PDPR: variants seen among roughly 807,000 people sequenced by gnomAD.
PDPR encodes the protein pyruvate dehydrogenase phosphatase regulatory subunit, mitochondrial.
PDPR carries 50 observed loss-of-function variants against 102.2 expected under a neutral mutation model. That is an observed-to-expected ratio of 0.49 (90% confidence interval 0.39 to 0.62). PDPR has a LOEUF of 0.62. PDPR is among the 20% of genes least tolerant of loss of function. PDPR has a pLI of 0.00. For synonymous variants in PDPR, 259 were observed against 406.0 expected (o/e 0.64, Z 4.35); for missense variants, 625 against 1,098.2 (o/e 0.57, Z 6.09).
At chr16:70,120,200 C>T in intron 2 of PDPR, 1 of 348,676 alleles carries the variant, frequency 2.9e-6, no homozygotes, top group Non-Finnish European at 5.5e-6. Flanking sequence ...CAGGTGTGAG[C>T]CACTGCGCCC....
In PDPR at chr16:70,156,994, C is replaced by G. The variant is rs1184970524; in HGVS notation, c.*115C>G. The G allele has an allele frequency of 1.4e-6, 2 of 1,406,730 alleles. No individual in the cohort carries two copies. The highest frequency in any genetic ancestry group is 2.0e-6 in the Non-Finnish European group (2 of 1,019,338). The allele number at this position is 1,406,730 out of a possible 1,614,324, so 87.1% of individuals were successfully genotyped here. The stretch of plus-strand genomic sequence containing the variant: ...CTTCTGGAGCCTTTGCCTCCCATCT[C>G]TTATCTCCTTGATATAATTTTGAAC... On this transcript the variant is annotated 3_prime_UTR_variant, in exon 19 of 19. Coordinates refer to ENST00000288050, the MANE Select transcript of PDPR (RefSeq NM_017990.5).
At chr16:70,131,762 C>A in intron 8 of PDPR, 2 of 985,392 alleles carry the variant, frequency 2.0e-6, no homozygotes, top group Non-Finnish European at 2.4e-6. Flanking sequence ...TAGGTGGGTT[C>A]GTGGTTCCAA....
chr16:70,146,863 T>C (rs1057455653), intron 16 of PDPR, among the ~76,000 whole-genome samples: 2,105 of 70,478 alleles, frequency 0.03, 236 homozygotes, highest in African/African-American at 0.097. Flanking sequence ...CAAGACTGTC[T>C]CAAAAAAAAA....
intron 6 of PDPR, among the ~76,000 whole-genome samples, chr16:70,129,433 C>G (rs1198358279): frequency 2.0e-5 from 3 of 152,282 alleles, no homozygotes; most frequent in African/African-American, 7.2e-5. Flanking sequence ...CAACCTTCGC[C>G]TCCTGGGTTC....
chr16:70,153,252 C>A, intron 17 of PDPR, 139 bp from the exon 18 acceptor site: 2 of 997,426 alleles, frequency 2.0e-6, no homozygotes, highest in Non-Finnish European at 2.9e-6. Context: ...CTGAGCGTGT[C>A]AAGGATGAGA....
At chr16:70,124,537 A>G (rs1433919516) in intron 3 of PDPR, among the ~76,000 whole-genome samples, 4 of 152,280 alleles carry the variant, frequency 2.6e-5, no homozygotes, top group Non-Finnish European at 2.9e-5. Context: ...ACCAGTGCCC[A>G]GACCTCTCCC....
In PDPR at chr16:70,161,821, G is replaced by A. The variant is rs1367255224; in HGVS notation, c.*4942G>A. ...TGGAGAGTTACACATTTCTTCATGA[G>A]CCATTTTTCTCATTCTTAGATGCAC... On this transcript the variant is annotated 3_prime_UTR_variant, in exon 19 of 19. Coordinates refer to ENST00000288050, the MANE Select transcript of PDPR (RefSeq NM_017990.5). 6.6e-6 allele frequency: 1 copy of A among 152,406 alleles called. No individual in the cohort carries two copies. The highest frequency in any genetic ancestry group is 1.5e-5 in the Non-Finnish European group (1 of 68,102). 9.4% of individuals were successfully genotyped at this position (152,406 alleles called of 1,614,324 possible).
chr16:70,132,180 A>T lies in PDPR; in HGVS notation c.877A>T (p.Ile293Phe), dbSNP rs773817220. The T allele has an allele frequency of 6.2e-7, 1 of 1,613,238 alleles. No homozygotes were observed. The highest frequency in any genetic ancestry group is 8.5e-7 in the Non-Finnish European group (1 of 1,179,320). The change falls in exon 9 of 19, where the codon ATT becomes TTT. Residue 293 changes from isoleucine to phenylalanine, a missense_variant. Ile to Phe is a conservative substitution (Grantham distance 21). Coordinates refer to ENST00000288050, the MANE Select transcript of PDPR (RefSeq NM_017990.5). Reference sequence around the variant, plus strand: ...TGTGGATGCTGATGGAAGAATTTATATTCGGAACTGGCAGGGTGGCATCCT... The same window carrying T: ...TGTGGATGCTGATGGAAGAATTTATTTTCGGAACTGGCAGGGTGGCATCCT... The part of the protein sequence containing the change: ...TIVDADGRIY[I>F]RNWQGGILSG...
chr16:70,156,872 G>T lies in PDPR; in HGVS notation c.2633G>T (p.Gly878Val). 6.2e-7 allele frequency: 1 copy of T among 1,613,426 alleles called. No individual in the cohort carries two copies. The highest frequency in any genetic ancestry group is 1.1e-5 in the South Asian group (1 of 90,970). ...KDDMELSDLH[G>V]K ...GACATGGAGCTGAGTGACTTACATG[G>T]GAAGTGATGCCACCAGGGCAGCCTC... The change falls in exon 19 of 19, where the codon GGG becomes GTG. Residue 878 changes from glycine (G) to valine (V), a missense_variant. Transcript: ENST00000288050.
intron 9 of PDPR, among the ~76,000 whole-genome samples, 163 bp downstream of exon 9, chr16:70,132,463 C>G (rs1964634948): frequency 6.6e-6 from 1 of 152,258 alleles, no homozygotes. Context: ...GATGGAGTTA[C>G]TAGGTAGCAG....
In PDPR at chr16:70,153,530, C is replaced by T. The variant is rs199536214; in HGVS notation, c.2192C>T (p.Thr731Met). 8.3e-5 allele frequency: 133 copies of T among 1,611,308 alleles called. No individual in the cohort carries two copies. The highest frequency in any genetic ancestry group is 1.0e-4 in the Non-Finnish European group (119 of 1,178,936). The change falls in exon 18 of 19, where the codon ACG becomes ATG. Residue 731 changes from threonine (T) to methionine (M), a missense_variant. Coordinates refer to ENST00000288050, the MANE Select transcript of PDPR (RefSeq NM_017990.5). ...FWGQDINNLT[T>M]PLECGRESRV... ...GGTCAGGATATAAATAACCTCACCA[C>T]GCCCCTGGAATGTGGACGAGAGTCT...
Position 70,119,903 on chromosome 16 carries a change from T to G in PDPR, c.-32-558T>G, listed in dbSNP as rs867198162. On this transcript the variant is annotated intron_variant, in intron 2 of 18. Coordinates refer to ENST00000288050, the MANE Select transcript of PDPR (RefSeq NM_017990.5). ...TGCCCTCAAATATTTCTTTTTTTGTTTTTTTTTTGTTTGTTTGTTTGTTTT... is the reference window on the plus strand; with the variant it reads ...TGCCCTCAAATATTTCTTTTTTTGTGTTTTTTTTGTTTGTTTGTTTGTTTT... Among the ~76,000 whole-genome samples, 11 of 6,718 alleles carry G rather than the reference T, an allele frequency of 1.6e-3. 1 individual carries two copies. Among genetic ancestry groups the G allele is most frequent in the Middle Eastern group, 0.5 (1 of 2 alleles). 4.4% of individuals were successfully genotyped at this position (6,718 alleles called of 152,430 possible).
At chr16:70,141,850 A>G (rs1286801414) in intron 11 of PDPR, among the ~76,000 whole-genome samples, 1 of 152,280 alleles carries the variant, frequency 6.6e-6, no homozygotes, top group Non-Finnish European at 1.5e-5. Context: ...CTGTAATCCC[A>G]GCACTTCGGG....
chr16:70,135,436 C>T (rs944726599), intron 9 of PDPR, among the ~76,000 whole-genome samples: 1 of 152,248 alleles, frequency 6.6e-6, no homozygotes, highest in Non-Finnish European at 1.5e-5. Context: ...GAGGCTTCGC[C>T]ATTTTGGCCA....
rs1273342705 is a variant in PDPR, at chr16:70,125,067, T to G, written c.228-2193T>G. Among the ~76,000 whole-genome samples the G allele has an allele frequency of 2.6e-5, 4 of 152,304 alleles. No homozygotes were observed. In the East Asian group the frequency reaches 7.7e-4, roughly 29 times the overall value. The stretch of plus-strand genomic sequence containing the variant: ...CTTTTGAATAGGCAATGTATTTATA[T>G]GATTCAAAATTGAAAATATGTAAAA... On this transcript the variant is annotated intron_variant, in intron 3 of 18. Transcript: ENST00000288050.
chr16:70,120,241 G>A (rs1245977714), intron 2 of PDPR: 3 of 413,914 alleles, frequency 7.2e-6, no homozygotes, highest in Non-Finnish European at 1.4e-5. Flanking sequence ...TAGTAGAGAC[G>A]GGGTTTCACT....
intron 3 of PDPR, among the ~76,000 whole-genome samples, chr16:70,123,437 C>T (rs1348717435): frequency 2.0e-5 from 3 of 152,176 alleles, no homozygotes; most frequent in Non-Finnish European, 4.4e-5. Flanking sequence ...GTGATTTCAC[C>T]TTGTTGTCCA....
intron 17 of PDPR, among the ~76,000 whole-genome samples, chr16:70,152,056 C>G (rs939419014): frequency 3.3e-5 from 5 of 152,280 alleles, no homozygotes; most frequent in Admixed American, 2.0e-4. Flanking sequence ...GGGCATTGAG[C>G]TTGAGGTGGG....
At chr16:70,114,592 C>G (rs1345831663) in intron 1 of PDPR, among the ~76,000 whole-genome samples, 152 bp downstream of exon 1, 2 of 152,212 alleles carry the variant, frequency 1.3e-5, no homozygotes, top group African/African-American at 2.4e-5. Flanking sequence ...TGGCCTCTCG[C>G]GAAGTCGCGT....
Sources: gnomAD v4.1 joint callset for allele counts (sites outside exome capture counted in the v4.1 genomes callset) on GRCh38, gnomAD v4.1.1 for gene constraint, MANE v1.5 for transcripts, NCBI Gene and HGNC (gene_info 2026-07-23, HGNC 2026-07-21) for gene names.